Variants in PPP2R2B observed in about 807,000 individuals in gnomAD.
PPP2R2B encodes the protein protein phosphatase 2 regulatory subunit Bbeta, also known as serine/threonine-protein phosphatase 2A 55 kDa regulatory subunit B beta isoform.
A neutral mutation model predicts 46.0 loss-of-function variants in PPP2R2B; 5 were observed. That is an observed-to-expected ratio of 0.11 (90% confidence interval 0.06 to 0.23). The LOEUF (loss-of-function observed/expected upper bound fraction) is 0.23. Among genes scored for constraint, PPP2R2B ranks in the 10% least tolerant of loss-of-function variants. The pLI, the probability that PPP2R2B is intolerant of heterozygous loss-of-function variation, is 1.00. For synonymous variants in PPP2R2B, 215 were observed against 206.7 expected (o/e 1.04, Z -0.34); for missense variants, 367 against 575.0 (o/e 0.64, Z 3.70).
chr5:146,636,611 T>C (rs774285695), intron 7 of PPP2R2B, among the ~76,000 whole-genome samples: 4 of 152,180 alleles, frequency 2.6e-5, no homozygotes, highest in Non-Finnish European at 5.9e-5. Context: ...GGTTCATGGC[T>C]TGGCCCCACC....
intron 9 of PPP2R2B, among the ~76,000 whole-genome samples, chr5:146,591,371 CTGATACTG>C (rs1457931944): frequency 1.3e-5 from 2 of 152,196 alleles, no homozygotes; most frequent in Non-Finnish European, 2.9e-5. Context: ...GCTCATCAAA[CTGATACTG>C]TGAACTGTGT....
intron 1 of PPP2R2B, among the ~76,000 whole-genome samples, chr5:146,943,732 G>A (rs1027287230): frequency 1.1e-4 from 17 of 151,958 alleles, no homozygotes; most frequent in African/African-American, 3.6e-4. Context: ...TTTCCCCAGA[G>A]AAAATCTGTA....
At chr5:146,744,219 C>T (rs535573978) in intron 2 of PPP2R2B, among the ~76,000 whole-genome samples, 1 of 152,166 alleles carries the variant, frequency 6.6e-6, no homozygotes, top group African/African-American at 2.4e-5. Context: ...CCTGCCCCCA[C>T]CCTTTTAAAT....
At chr5:146,693,892 T>C (rs551892688) in intron 4 of PPP2R2B, among the ~76,000 whole-genome samples, 1 of 152,342 alleles carries the variant, frequency 6.6e-6, no homozygotes, top group East Asian at 1.9e-4. Flanking sequence ...TGTCAGCACA[T>C]CCTATTTCTT....
At chr5:146,652,578 G>T (rs796534253) in intron 5 of PPP2R2B, among the ~76,000 whole-genome samples, 15 of 152,304 alleles carry the variant, frequency 9.8e-5, no homozygotes, top group African/African-American at 3.4e-4. Context: ...TGAAAGATGG[G>T]TAGGGATTTA....
At chr5:146,790,134 T>A (rs1756101880) in intron 2 of PPP2R2B, among the ~76,000 whole-genome samples, 1 of 152,202 alleles carries the variant, frequency 6.6e-6, no homozygotes, top group Non-Finnish European at 1.5e-5. Context: ...TGTGTATGAA[T>A]GTAAAACTAG....
chr5:146,908,419 T>A (rs866276041), intron 1 of PPP2R2B, among the ~76,000 whole-genome samples: 1 of 151,560 alleles, frequency 6.6e-6, no homozygotes, highest in South Asian at 2.1e-4. Context: ...AAAATTAAAT[T>A]TTTTTTTCTT....
intron 8 of PPP2R2B, among the ~76,000 whole-genome samples, chr5:146,593,945 C>A (rs1002503589): frequency 1.3e-5 from 2 of 152,120 alleles, no homozygotes; most frequent in Non-Finnish European, 2.9e-5. Context: ...TGGCCTGGAC[C>A]AGGGCATGAG....
At chr5:146,742,822 T>G (rs1014013255) in intron 2 of PPP2R2B, among the ~76,000 whole-genome samples, 1 of 152,026 alleles carries the variant, frequency 6.6e-6, no homozygotes, top group East Asian at 1.9e-4. Flanking sequence ...AAGGGGAAAC[T>G]GAAACACAGA....
chr5:146,773,937 T>C (rs161027), intron 2 of PPP2R2B, among the ~76,000 whole-genome samples: 130,851 of 152,122 alleles, frequency 0.86, 56,346 homozygotes, highest in East Asian at 0.89. Flanking sequence ...GTTTCTCCTA[T>C]CTGTAAACAT....
chr5:146,864,246 G>A (rs1177285753), intron 2 of PPP2R2B, among the ~76,000 whole-genome samples: 2 of 151,962 alleles, frequency 1.3e-5, no homozygotes, highest in Non-Finnish European at 2.9e-5. Flanking sequence ...TAATTTATAA[G>A]ATTTGTACTT....
chr5:146,748,051 C>A (rs937498607), intron 2 of PPP2R2B, among the ~76,000 whole-genome samples: 3 of 152,176 alleles, frequency 2.0e-5, no homozygotes, highest in African/African-American at 7.2e-5. Context: ...CTACTGAGCT[C>A]TTGGCCAAAC....
At chr5:147,064,598 C>G (rs1235175185) in intron 2 of PPP2R2B, among the ~76,000 whole-genome samples, 3 of 152,170 alleles carry the variant, frequency 2.0e-5, no homozygotes, top group Admixed American at 2.0e-4. Flanking sequence ...TAAAGAAGAA[C>G]TAAGATCTGT....
intron 2 of PPP2R2B, among the ~76,000 whole-genome samples, chr5:146,704,111 T>C (rs1335972822): frequency 6.6e-6 from 1 of 152,248 alleles, no homozygotes; most frequent in Non-Finnish European, 1.5e-5. Context: ...GTAACTGGAA[T>C]ACTTTACTGC....
chr5:146,764,189 C>T (rs1047634927), intron 2 of PPP2R2B, among the ~76,000 whole-genome samples: 1 of 152,030 alleles, frequency 6.6e-6, no homozygotes, highest in Non-Finnish European at 1.5e-5. Flanking sequence ...GTGGAAGGGG[C>T]ACTCCAGCTG....
intron 1 of PPP2R2B, among the ~76,000 whole-genome samples, chr5:146,917,024 T>C (rs915787784): frequency 2.6e-5 from 4 of 152,206 alleles, no homozygotes; most frequent in East Asian, 1.9e-4. Flanking sequence ...ATGTGTGGCA[T>C]GTAATCAGGC....
At chr5:146,620,186 T>C (rs1465907158) in intron 7 of PPP2R2B, among the ~76,000 whole-genome samples, 1 of 152,160 alleles carries the variant, frequency 6.6e-6, no homozygotes, top group Admixed American at 6.5e-5. Context: ...GAGACTCAGC[T>C]GGAATCTGAT....
At chr5:146,934,520 G>C (rs558506643) in intron 1 of PPP2R2B, among the ~76,000 whole-genome samples, 7 of 136,868 alleles carry the variant, frequency 5.1e-5, no homozygotes, top group African/African-American at 1.9e-4. Flanking sequence ...CCCACTTTTT[G>C]ATGGGGTTGG....
intron 5 of PPP2R2B, among the ~76,000 whole-genome samples, chr5:146,681,412 G>A (rs1179771271): frequency 1.3e-5 from 2 of 152,182 alleles, no homozygotes; most frequent in African/African-American, 4.8e-5. Context: ...ACACATGCAC[G>A]TGTAGTTTCG....
Sources: gnomAD v4.1 joint callset for allele counts (sites outside exome capture counted in the v4.1 genomes callset) on GRCh38, gnomAD v4.1.1 for gene constraint, MANE v1.5 for transcripts, NCBI Gene and HGNC (gene_info 2026-07-23, HGNC 2026-07-21) for gene names.